Variants in CACNA2D3 observed in about 807,000 individuals in gnomAD.
CACNA2D3 encodes voltage-dependent calcium channel subunit alpha-2/delta-3.
In CACNA2D3, 60 loss-of-function variants were observed where a neutral mutation model predicts 160.6. The ratio of observed to expected loss-of-function variants is 0.37; its 90% CI spans 0.30 to 0.46. CACNA2D3 has a LOEUF of 0.46. Among genes scored for constraint, CACNA2D3 ranks in the 20% least tolerant of loss-of-function variants. The probability of loss-of-function intolerance (pLI) is 1.00; values close to 1 mark genes in which losing one functional copy is unlikely to be tolerated. For synonymous variants in CACNA2D3, 558 were observed against 492.9 expected, an observed-to-expected ratio of 1.13 and a Z score of -1.75; for missense variants, 1,205 against 1,365.0, an observed-to-expected ratio of 0.88 and a Z score of 1.85.
intron 35 of CACNA2D3, among the ~76,000 whole-genome samples, chr3:55,036,439 T>C (rs577056965): frequency 6.6e-6 from 1 of 152,080 alleles, no homozygotes; most frequent in South Asian, 2.1e-4. Flanking sequence ...GTGTTTTATT[T>C]TTATTTTTAT....
intron 27 of CACNA2D3, among the ~76,000 whole-genome samples, chr3:54,958,284 T>A (rs1701950471): frequency 1.3e-5 from 2 of 152,212 alleles, no homozygotes; most frequent in South Asian, 4.1e-4. Flanking sequence ...TCCCAGCTAC[T>A]CAGGAGGCTG....
chr3:54,773,642 C>T (rs570863934), intron 13 of CACNA2D3, among the ~76,000 whole-genome samples: 1 of 152,316 alleles, frequency 6.6e-6, no homozygotes, highest in South Asian at 2.1e-4. Flanking sequence ...ATAAATATTA[C>T]AGTACTTTAT....
At chr3:54,906,078 T>A (rs1397151895) in intron 27 of CACNA2D3, among the ~76,000 whole-genome samples, 1 of 152,062 alleles carries the variant, frequency 6.6e-6, no homozygotes, top group African/African-American at 2.4e-5. Flanking sequence ...AGCTTCCCAA[T>A]GAAGAATTGT....
At chr3:54,261,238 T>A (rs756059541) in intron 2 of CACNA2D3, among the ~76,000 whole-genome samples, 2 of 152,206 alleles carry the variant, frequency 1.3e-5, no homozygotes, top group Admixed American at 6.5e-5. Flanking sequence ...CATGGATGCT[T>A]TGATTCTTAT....
intron 17 of CACNA2D3, among the ~76,000 whole-genome samples, chr3:54,846,735 C>T (rs1698939883): frequency 1.3e-5 from 2 of 152,136 alleles, no homozygotes; most frequent in Admixed American, 6.6e-5. Context: ...CATCTGCCAA[C>T]ATATGGAAAA....
chr3:54,869,701 G>A (rs538213026), intron 17 of CACNA2D3, among the ~76,000 whole-genome samples: 2 of 152,160 alleles, frequency 1.3e-5, no homozygotes, highest in Admixed American at 6.5e-5. Flanking sequence ...GTCCTCAGGG[G>A]GACACTACTA....
rs572557734 is a variant in CACNA2D3 at position 55,064,538 on chromosome 3, T to G, written c.2988-8907T>G. ...CTCAACCACCCCCTCCTCACAGCCC[T>G]CCTCTCTCCACTCCTGTGCATGCCC... On this transcript the variant is annotated intron_variant, in intron 35 of 37. Coordinates refer to ENST00000474759, the MANE Select transcript of CACNA2D3 (RefSeq NM_018398.3). Among the ~76,000 whole-genome samples, 4 of 152,260 alleles carry G rather than the reference T, an allele frequency of 2.6e-5. No homozygotes were observed. In the South Asian group the frequency reaches 8.3e-4, roughly 32 times the overall value.
At chr3:54,566,714 C>G (rs992221856) in intron 6 of CACNA2D3, among the ~76,000 whole-genome samples, 1 of 152,180 alleles carries the variant, frequency 6.6e-6, no homozygotes, top group Non-Finnish European at 1.5e-5. Flanking sequence ...TTTCTATAGC[C>G]GTACGCAGGG....
rs139849629 is a variant in CACNA2D3 at position 54,538,477 on chromosome 3, A to C, written c.545-24323A>C. 1.9e-3 allele frequency among the ~76,000 whole-genome samples: 290 copies of C among 152,296 alleles called. 1 individual carries two copies. Among genetic ancestry groups the C allele is most frequent in the African/African-American group, 6.5e-3 (271 of 41,572 alleles). ...CATGCCCTCATGGCTAAGAGAAGAC[A>C]GAGAGCACCCTTGCCCCTTCACAGC... On this transcript the variant is annotated intron_variant, in intron 5 of 37. Coordinates refer to ENST00000474759, the MANE Select transcript of CACNA2D3 (RefSeq NM_018398.3).
At chr3:54,912,990 G>T (rs1003312486) in intron 27 of CACNA2D3, among the ~76,000 whole-genome samples, 12 of 152,102 alleles carry the variant, frequency 7.9e-5, no homozygotes, top group African/African-American at 2.9e-4. Flanking sequence ...GGTCTCAGTG[G>T]AAGGCATATC....
intron 14 of CACNA2D3, among the ~76,000 whole-genome samples, chr3:54,834,260 C>T (rs186774210): frequency 1.3e-3 from 192 of 152,280 alleles, no homozygotes; most frequent in African/African-American, 4.5e-3. Flanking sequence ...ATCCATGTTA[C>T]ATGTTGGCAC....
intron 2 of CACNA2D3, among the ~76,000 whole-genome samples, chr3:54,178,566 T>G (rs1401298075): frequency 1.3e-5 from 2 of 152,236 alleles, no homozygotes; most frequent in Non-Finnish European, 2.9e-5. Context: ...CCAACTGAGC[T>G]GTGCTTTGCT....
At chr3:54,787,847 A>G (rs1702670730) in intron 13 of CACNA2D3, among the ~76,000 whole-genome samples, 1 of 152,220 alleles carries the variant, frequency 6.6e-6, no homozygotes, top group South Asian at 2.1e-4. Flanking sequence ...ACAACAGGAA[A>G]TTTGTGTCCA....
intron 4 of CACNA2D3, among the ~76,000 whole-genome samples, chr3:54,429,434 C>G (rs574052398): frequency 6.6e-6 from 1 of 152,130 alleles, no homozygotes; most frequent in Non-Finnish European, 1.5e-5. Context: ...AAATGGCAAA[C>G]CACCTGATTT....
At chr3:54,550,793 C>G (rs1447738663) in intron 5 of CACNA2D3, among the ~76,000 whole-genome samples, 3 of 152,142 alleles carry the variant, frequency 2.0e-5, no homozygotes, top group East Asian at 1.9e-4. Flanking sequence ...TGGGGGATTC[C>G]CCACATGGAT....
intron 9 of CACNA2D3, among the ~76,000 whole-genome samples, chr3:54,588,254 A>G (rs1051672789): frequency 6.6e-6 from 1 of 152,194 alleles, no homozygotes; most frequent in African/African-American, 2.4e-5. Context: ...ATTTGATAAA[A>G]AACACCCTTT....
chr3:54,187,002 ACACTGTGAC>A (rs1421682019), intron 2 of CACNA2D3, among the ~76,000 whole-genome samples: 1 of 152,198 alleles, frequency 6.6e-6, no homozygotes, highest in African/African-American at 2.4e-5. Context: ...TCTACAAGAG[ACACTGTGAC>A]CACTTTTTCT....
chr3:54,414,860 T>C (rs187682610), intron 4 of CACNA2D3, among the ~76,000 whole-genome samples: 3 of 151,698 alleles, frequency 2.0e-5, no homozygotes, highest in African/African-American at 7.3e-5. Context: ...TTATTTTAAA[T>C]AAATAGTTGT....
intron 27 of CACNA2D3, among the ~76,000 whole-genome samples, chr3:54,925,503 A>G (rs990442425): frequency 6.6e-6 from 1 of 152,216 alleles, no homozygotes; most frequent in South Asian, 2.1e-4. Context: ...GTGATATCAA[A>G]TAGAAGGGTG....
Sources: gnomAD v4.1 joint callset for allele counts (sites outside exome capture counted in the v4.1 genomes callset) on GRCh38, gnomAD v4.1.1 for gene constraint, MANE v1.5 for transcripts, NCBI Gene and HGNC (gene_info 2026-07-23, HGNC 2026-07-21) for gene names.